Variants in CTNNA2 observed in about 807,000 individuals in gnomAD.
CTNNA2 encodes the protein catenin alpha 2.
CTNNA2 carries 42 observed loss-of-function variants against 101.0 expected under a neutral mutation model. The ratio of observed to expected loss-of-function variants is 0.42; its 90% CI spans 0.32 to 0.54. CTNNA2 has a LOEUF of 0.54. Ranked by LOEUF, CTNNA2 falls within the 20% of genes least tolerant of loss-of-function variation. CTNNA2 has a pLI of 0.14. For synonymous variants in CTNNA2, 450 were observed against 456.4 expected (o/e 0.99, Z 0.18); for missense variants, 871 against 1,223.1 (o/e 0.71, Z 4.29).
At chr2:80,065,087 G>T (rs964020403) in intron 7 of CTNNA2, among the ~76,000 whole-genome samples, 1 of 152,110 alleles carries the variant, frequency 6.6e-6, no homozygotes, top group Admixed American at 6.5e-5. Context: ...TTTTTTTTGA[G>T]TAAGAGGTCA....
At chr2:80,569,069 T>C (rs1474803627) in intron 12 of CTNNA2, among the ~76,000 whole-genome samples, 1 of 152,122 alleles carries the variant, frequency 6.6e-6, no homozygotes, top group Non-Finnish European at 1.5e-5. Flanking sequence ...ACCTTGCATT[T>C]TGCCCTTTGG....
intron 7 of CTNNA2, among the ~76,000 whole-genome samples, chr2:80,083,759 G>C (rs1307321943): frequency 6.6e-6 from 1 of 152,012 alleles, no homozygotes; most frequent in Non-Finnish European, 1.5e-5. Flanking sequence ...TATTATACCA[G>C]GCTTCTTTAC....
intron 7 of CTNNA2, among the ~76,000 whole-genome samples, chr2:80,252,810 C>A (rs556435725): frequency 6.6e-6 from 1 of 152,220 alleles, no homozygotes; most frequent in South Asian, 2.1e-4. Context: ...TAGGCGGCGA[C>A]TTGTTTGCAA....
Position 79,194,210 on chromosome 2 carries a change from G to A in CTNNA2, c.-523-3749G>A, listed in dbSNP as rs565767889. Among the ~76,000 whole-genome samples, 19 of 152,280 alleles carry A rather than the reference G, an allele frequency of 1.2e-4. No individual in the cohort carries two copies. The South Asian group carries it at 3.9e-3, about 32-fold the overall frequency. ...AAGCACAGCTGTAAGAATACTGAGA[G>A]GGTTTTTGAGCTGCTGTGAATAAAA... On this transcript the variant is annotated intron_variant, in intron 1 of 21. Transcript: ENST00000466387.
chr2:80,513,360 T>C (rs1263736070), intron 9 of CTNNA2, among the ~76,000 whole-genome samples: 2 of 152,260 alleles, frequency 1.3e-5, no homozygotes, highest in Non-Finnish European at 2.9e-5. Context: ...TAACAGTTGT[T>C]TAGCTGGGCT....
At chr2:80,310,182 G>A (rs115511601) in intron 7 of CTNNA2, among the ~76,000 whole-genome samples, 3,050 of 152,238 alleles carry the variant, frequency 0.02, 85 homozygotes, top group African/African-American at 0.061. Context: ...TTAAGTGATT[G>A]CCCACCCTTG....
chr2:79,361,720 G>A (rs993688584), intron 3 of CTNNA2, among the ~76,000 whole-genome samples: 1 of 152,132 alleles, frequency 6.6e-6, no homozygotes, highest in African/African-American at 2.4e-5. Context: ...GAGGAGCAAG[G>A]GGAGCCAGTC....
intron 9 of CTNNA2, among the ~76,000 whole-genome samples, chr2:80,458,113 G>T (rs1684134517): frequency 6.6e-6 from 1 of 152,120 alleles, no homozygotes; most frequent in Admixed American, 6.5e-5. Flanking sequence ...ATAGAAATAA[G>T]TTGTACATTT....
chr2:80,415,698 A>G (rs1362463345), intron 8 of CTNNA2, among the ~76,000 whole-genome samples: 2 of 152,180 alleles, frequency 1.3e-5, no homozygotes, highest in Non-Finnish European at 2.9e-5. Flanking sequence ...TCTGATGGAA[A>G]TAAATCAATA....
At chr2:79,868,897 T>C (rs1682356354) in intron 4 of CTNNA2, among the ~76,000 whole-genome samples, 1 of 152,188 alleles carries the variant, frequency 6.6e-6, no homozygotes, top group Non-Finnish European at 1.5e-5. Context: ...ATTATTTCTA[T>C]AAAGACACTA....
At chr2:79,813,257 C>T (rs747221780) in intron 3 of CTNNA2, among the ~76,000 whole-genome samples, 22 of 152,128 alleles carry the variant, frequency 1.4e-4, no homozygotes, top group Non-Finnish European at 2.6e-4. Context: ...CTAATCTCTG[C>T]CCTGGCACAT....
rs572631018 is a variant in CTNNA2, at chr2:80,043,741, C to T, written c.1056+133944C>T. Reference sequence around the variant, plus strand: ...CATACAACTCAGATATAAGCCCATGCCTTTTTCCCACCTCATGTGCTAACA... The same window carrying T: ...CATACAACTCAGATATAAGCCCATGTCTTTTTCCCACCTCATGTGCTAACA... On this transcript the variant is annotated intron_variant, in intron 7 of 18. Transcript: ENST00000402739. Among the ~76,000 whole-genome samples, 22 of 152,324 alleles carry T rather than the reference C, an allele frequency of 1.4e-4. No individual in the cohort carries two copies. The East Asian group carries it at 2.7e-3, about 19-fold the overall frequency.
chr2:79,732,712 G>GT (rs1687281945), intron 2 of CTNNA2, among the ~76,000 whole-genome samples: 1 of 151,952 alleles, frequency 6.6e-6, no homozygotes, highest in African/African-American at 2.4e-5. Flanking sequence ...CTGTAATAGA[G>GT]TATCTTTAAA....
At chr2:79,877,295 A>G (rs1401518412) in intron 6 of CTNNA2, among the ~76,000 whole-genome samples, 1 of 152,128 alleles carries the variant, frequency 6.6e-6, no homozygotes. Context: ...AACAATTGTC[A>G]TTTAACAAAT....
intron 2 of CTNNA2, among the ~76,000 whole-genome samples, chr2:79,309,851 A>G (rs1218071942): frequency 6.6e-6 from 1 of 152,148 alleles, no homozygotes; most frequent in Non-Finnish European, 1.5e-5. Context: ...ACTCATTTCC[A>G]CAAATCTGGT....
intron 3 of CTNNA2, among the ~76,000 whole-genome samples, chr2:79,351,566 T>G (rs1005683326): frequency 6.6e-6 from 1 of 152,160 alleles, no homozygotes; most frequent in Non-Finnish European, 1.5e-5. Context: ...ATAGGTAGTT[T>G]TTTTCAACCC....
Position 79,321,386 on chromosome 2 carries a change from C to T in CTNNA2, c.-318+8590C>T, listed in dbSNP as rs147040480. Among the ~76,000 whole-genome samples, 341 of 151,208 alleles carry T rather than the reference C, an allele frequency of 2.3e-3. 3 individuals are homozygous for T. The highest frequency in any genetic ancestry group is 7.0e-3 in the African/African-American group (289 of 41,036). On this transcript the variant is annotated intron_variant, in intron 3 of 21. Coordinates refer to the CTNNA2 transcript ENST00000466387. ...GACAAGACTCACATAGAAACCAATA[C>T]GTATGAAAGTAATTTGGGGCTGAGT...
intron 7 of CTNNA2, among the ~76,000 whole-genome samples, chr2:80,245,275 A>G (rs1020629139): frequency 2.9e-4 from 44 of 152,202 alleles, no homozygotes; most frequent in Non-Finnish European, 2.9e-5. Flanking sequence ...ATTGGCAAAC[A>G]TGAGAGCCTA....
At chr2:79,456,513 G>C (rs72919200) in intron 4 of CTNNA2, among the ~76,000 whole-genome samples, 3,783 of 152,244 alleles carry the variant, frequency 0.025, 141 homozygotes, top group African/African-American at 0.086. Flanking sequence ...ATTTGGTGCT[G>C]TATTAAAATA....
Sources: gnomAD v4.1 joint callset for allele counts (sites outside exome capture counted in the v4.1 genomes callset) on GRCh38, gnomAD v4.1.1 for gene constraint, MANE v1.5 for transcripts, NCBI Gene and HGNC (gene_info 2026-07-23, HGNC 2026-07-21) for gene names.